Variants in TCAIM observed in about 807,000 individuals in gnomAD.
TCAIM encodes T cell activation inhibitor, mitochondrial, also known as T-cell activation inhibitor, mitochondrial.
Under a neutral mutation model 58.6 loss-of-function variants are expected in TCAIM, and 36 were observed. The ratio of observed to expected loss-of-function variants is 0.61; its 90% CI spans 0.47 to 0.81. The LOEUF (loss-of-function observed/expected upper bound fraction) is 0.81, where lower values mean the gene tolerates loss of function less well. TCAIM is among the 30% of genes least tolerant of loss of function. The pLI, the probability that TCAIM is intolerant of heterozygous loss-of-function variation, is 0.00. For missense variants in TCAIM, 466 were observed against 579.6 expected (o/e 0.80, Z 2.01); for synonymous variants, 172 against 193.6 (o/e 0.89, Z 0.93).
At chr3:44,362,142 A>G (rs1011746783) in intron 4 of TCAIM, among the ~76,000 whole-genome samples, 2 of 152,226 alleles carry the variant, frequency 1.3e-5, no homozygotes, top group Non-Finnish European at 2.9e-5. Flanking sequence ...TATTTTTAGA[A>G]TGAACTTAAG....
Position 44,407,571 on chromosome 3 carries a change from A to G in TCAIM, c.1380A>G (p.Ser460=), listed in dbSNP as rs747749705. 6.2e-7 allele frequency: 1 copy of G among 1,614,052 alleles called. No homozygotes were observed. The highest frequency in any genetic ancestry group is 8.5e-7 in the Non-Finnish European group (1 of 1,179,984). The part of the protein sequence containing the change: ...VDCCKRLLEQ[S]LPYLHGMHLC... ...GTTGTAAGAGACTTCTAGAACAATC[A>G]CTGCCTTACCTACATGGGATGCACC... Residue 460 remains serine (S), a synonymous_variant, in exon 11 of 11, where the codon TCA becomes TCG. Transcript: ENST00000342649.
At chr3:44,376,946 T>C (rs1262255787) in intron 5 of TCAIM, among the ~76,000 whole-genome samples, 2 of 152,042 alleles carry the variant, frequency 1.3e-5, no homozygotes, top group African/African-American at 2.4e-5. Context: ...AAAAATTAGC[T>C]GGGCATGGTG....
intron 1 of TCAIM, among the ~76,000 whole-genome samples, chr3:44,344,251 C>T (rs184705976): frequency 6.6e-6 from 1 of 152,150 alleles, no homozygotes; most frequent in East Asian, 1.9e-4. Context: ...CCCATTTTCA[C>T]CTCCCAAAGT....
chr3:44,350,751 C>A (rs530772781), intron 1 of TCAIM, among the ~76,000 whole-genome samples: 2 of 152,010 alleles, frequency 1.3e-5, no homozygotes, highest in East Asian at 3.9e-4. Context: ...ACATATTTCA[C>A]GTTTGTTGTA....
intron 5 of TCAIM, chr3:44,367,954 C>A: frequency 5.4e-6 from 2 of 373,494 alleles, no homozygotes; most frequent in Non-Finnish European, 9.5e-6. Context: ...AAGTTGTGGT[C>A]TTTTGATACC....
chr3:44,395,592 G>T lies in TCAIM; in HGVS notation c.696-808G>T, dbSNP rs111788274. On this transcript the variant is annotated intron_variant, in intron 6 of 10. Coordinates refer to ENST00000342649, the MANE Select transcript of TCAIM (RefSeq NM_173826.4). ...TACACAGCAGGGCCTCTGACATCGT[G>T]TCAGTGTCAGGTTCCATGTGTCACT... Among the ~76,000 whole-genome samples the T allele has an allele frequency of 2.6e-3, 399 of 152,344 alleles. 5 individuals carry two copies. Among genetic ancestry groups the T allele is most frequent in the African/African-American group, 9.3e-3 (386 of 41,582 alleles).
intron 4 of TCAIM, among the ~76,000 whole-genome samples, chr3:44,363,347 A>G (rs1205004772): frequency 5.3e-5 from 8 of 152,192 alleles, no homozygotes; most frequent in Admixed American, 1.3e-4. Flanking sequence ...CTTTATAACA[A>G]AGATTGGCCC....
At chr3:44,357,636 G>C in intron 2 of TCAIM, 105 bp from the exon 3 acceptor site, 2 of 1,401,240 alleles carry the variant, frequency 1.4e-6, no homozygotes, top group Non-Finnish European at 1.9e-6. Context: ...TATCTATCTT[G>C]TTTCTGCTGT....
chr3:44,387,652 A>G (rs1701766863), intron 5 of TCAIM, among the ~76,000 whole-genome samples: 2 of 152,052 alleles, frequency 1.3e-5, no homozygotes, highest in Non-Finnish European at 2.9e-5. Context: ...ACCCCTTGCC[A>G]CTCTGTGCCT....
intron 1 of TCAIM, among the ~76,000 whole-genome samples, chr3:44,350,392 C>A (rs566588419): frequency 1.3e-5 from 2 of 152,058 alleles, no homozygotes; most frequent in African/African-American, 4.8e-5. Context: ...AGAGGCCTGA[C>A]AATTACCTCC....
intron 5 of TCAIM, among the ~76,000 whole-genome samples, chr3:44,373,920 C>T (rs188866481): frequency 1.3e-5 from 2 of 152,198 alleles, no homozygotes; most frequent in Admixed American, 1.3e-4. Flanking sequence ...AATGTCTATC[C>T]CACTGAACAA....
chr3:44,353,459 T>C (rs934849933), intron 1 of TCAIM, among the ~76,000 whole-genome samples: 8 of 152,262 alleles, frequency 5.3e-5, no homozygotes, highest in African/African-American at 1.9e-4. Context: ...TATTGCTGTA[T>C]AGTATGGTAA....
In TCAIM at chr3:44,409,148, G is replaced by A. The variant is rs916934392; in HGVS notation, c.*1466G>A. ...TGATTTTAAAAGTTTACATTCAAAT[G>A]TGTATTCAAAAGAAGTACTGATTTG... On this transcript the variant is annotated 3_prime_UTR_variant, in exon 11 of 11. Coordinates refer to ENST00000342649, the MANE Select transcript of TCAIM (RefSeq NM_173826.4). 2.0e-5 allele frequency: 3 copies of A among 152,182 alleles called. No homozygotes were observed. The highest frequency in any genetic ancestry group is 2.0e-4 in the Admixed American group (3 of 15,262). 9.4% of individuals were successfully genotyped at this position (152,182 alleles called of 1,614,324 possible). A position where few individuals can be genotyped will look rare whatever the true frequency, so the allele number is the denominator to read the frequency against.
intron 4 of TCAIM, among the ~76,000 whole-genome samples, chr3:44,365,737 A>G (rs1352093886): frequency 6.6e-6 from 1 of 152,230 alleles, no homozygotes; most frequent in Admixed American, 6.5e-5. Context: ...ATCATCTAAT[A>G]TGGTGGGCCC....
At chr3:44,362,231 CTG>C (rs1701305621) in intron 4 of TCAIM, among the ~76,000 whole-genome samples, 1 of 152,098 alleles carries the variant, frequency 6.6e-6, no homozygotes, top group South Asian at 2.1e-4. Flanking sequence ...TTGAAACAAA[CTG>C]TTATAAAACT....
At chr3:44,394,911 AAAAAAAAAAAATATATATATATAT>A (rs1701901400) in intron 6 of TCAIM, among the ~76,000 whole-genome samples, 8 of 52,386 alleles carry the variant, frequency 1.5e-4, no homozygotes, top group African/African-American at 5.2e-4. Flanking sequence ...AAAAAAAAAA[AAAAAAAAAAAATATATATATATAT>A]ATATATATAT....
At chr3:44,343,253 CA>C (rs1279253059) in intron 1 of TCAIM, among the ~76,000 whole-genome samples, 1 of 152,114 alleles carries the variant, frequency 6.6e-6, no homozygotes, top group African/African-American at 2.4e-5. Context: ...CTTGCTCACA[CA>C]GTCACTGAAG....
intron 5 of TCAIM, among the ~76,000 whole-genome samples, chr3:44,387,628 G>A (rs979312629): frequency 6.6e-6 from 1 of 152,240 alleles, no homozygotes; most frequent in African/African-American, 2.4e-5. Context: ...GCTGGACCCT[G>A]CGCTCACTCA....
chr3:44,352,099 A>G (rs1191303716), intron 1 of TCAIM, among the ~76,000 whole-genome samples: 1 of 148,754 alleles, frequency 6.7e-6, no homozygotes, highest in African/African-American at 2.4e-5. Flanking sequence ...ATATATATAT[A>G]TATTATATAT....
Sources: gnomAD v4.1 joint callset for allele counts (sites outside exome capture counted in the v4.1 genomes callset) on GRCh38, gnomAD v4.1.1 for gene constraint, MANE v1.5 for transcripts, NCBI Gene and HGNC (gene_info 2026-07-23, HGNC 2026-07-21) for gene names.